ZDHHC20: variants seen among roughly 807,000 people sequenced by gnomAD.
The protein encoded by ZDHHC20 is zDHHC palmitoyltransferase 20.
Under a neutral mutation model 57.8 loss-of-function variants are expected in ZDHHC20, and 43 were observed. That is an observed-to-expected ratio of 0.74 (90% CI 0.58 to 0.96). The LOEUF is 0.96. Among genes scored for constraint, ZDHHC20 ranks in the 40% least tolerant of loss-of-function variants. ZDHHC20 has a pLI of 0.00. For synonymous variants in ZDHHC20, 157 were observed against 153.0 expected (o/e 1.03, Z -0.19); for missense variants, 391 against 441.1 (o/e 0.89, Z 1.02).
At chr13:21,403,678 C>T (rs1028104390) in intron 4 of ZDHHC20, among the ~76,000 whole-genome samples, 5 of 152,014 alleles carry the variant, frequency 3.3e-5, no homozygotes, top group Non-Finnish European at 7.4e-5. Context: ...AAAGAAGTTG[C>T]TTTTTTGTTT....
intron 1 of ZDHHC20, among the ~76,000 whole-genome samples, chr13:21,455,628 G>A (rs1286063716): frequency 3.9e-5 from 5 of 129,640 alleles, no homozygotes; most frequent in African/African-American, 1.5e-4. Context: ...TACTCCCAGT[G>A]AAGTGGTGTG....
chr13:21,437,078 G>C (rs949330304), intron 1 of ZDHHC20, among the ~76,000 whole-genome samples: 9 of 152,190 alleles, frequency 5.9e-5, no homozygotes, highest in African/African-American at 1.7e-4. Flanking sequence ...TCTAGACAGA[G>C]AGCCAAACCA....
chr13:21,425,699 G>A (rs948568654), intron 1 of ZDHHC20, 21 bp from the exon 2 acceptor site: 1 of 1,128,096 alleles, frequency 8.9e-7, no homozygotes. Context: ...AGAAAAAATA[G>A]TGAATAAATA....
At chr13:21,449,295 G>A (rs1011853185) in intron 1 of ZDHHC20, among the ~76,000 whole-genome samples, 2 of 152,196 alleles carry the variant, frequency 1.3e-5, no homozygotes, top group Admixed American at 6.5e-5. Context: ...TGGGCCAGCA[G>A]TTTGGGCTAT....
chr13:21,413,624 G>C, intron 4 of ZDHHC20, 28 bp downstream of exon 4: 3 of 1,565,312 alleles, frequency 1.9e-6, no homozygotes, highest in Non-Finnish European at 1.7e-6. Context: ...AAAATCATTT[G>C]AAAAGGAAAA....
chr13:21,397,326 C>CAA (rs879296045), intron 7 of ZDHHC20, among the ~76,000 whole-genome samples: 1 of 128,624 alleles, frequency 7.8e-6, no homozygotes, highest in African/African-American at 2.9e-5. Flanking sequence ...AACTGCATCT[C>CAA]AAAAAAAAAA....
At chr13:21,412,825 C>T (rs770761807) in intron 4 of ZDHHC20, among the ~76,000 whole-genome samples, 4 of 151,822 alleles carry the variant, frequency 2.6e-5, no homozygotes, top group East Asian at 1.9e-4. Context: ...AAAAATTAGC[C>T]GGGTTTGGTG....
At chr13:21,412,453 A>T (rs1035905686) in intron 4 of ZDHHC20, among the ~76,000 whole-genome samples, 3 of 152,334 alleles carry the variant, frequency 2.0e-5, no homozygotes, top group Admixed American at 2.0e-4. Context: ...CATAGGAGAA[A>T]ACAACAAATG....
At chr13:21,416,438 T>C (rs1306704480) in intron 3 of ZDHHC20, among the ~76,000 whole-genome samples, 2 of 152,180 alleles carry the variant, frequency 1.3e-5, no homozygotes, top group Non-Finnish European at 2.9e-5. Flanking sequence ...ACAGTTCTAT[T>C]TAAATATATA....
rs1275828541 is a variant in ZDHHC20, at chr13:21,374,348, C to A, written c.*2348G>T. On this transcript the variant is annotated 3_prime_UTR_variant, in exon 13 of 13. Coordinates refer to ENST00000400590, the MANE Select transcript of ZDHHC20 (RefSeq NM_001330059.2). ...CAAGTGATTCTCCTGCCTCCACCTCCCGAGTAGTTGGGACTACAGGCGTGT... is the reference window on the plus strand; with the variant it reads ...CAAGTGATTCTCCTGCCTCCACCTCACGAGTAGTTGGGACTACAGGCGTGT... 4.4e-6 allele frequency: 2 copies of A among 449,792 alleles called. No individual in the cohort carries two copies. The highest frequency in any genetic ancestry group is 4.7e-5 in the Admixed American group (2 of 42,352). The allele number at this position is 449,792 out of a possible 1,614,324, so 27.9% of individuals were successfully genotyped here.
chr13:21,452,265 C>T lies in ZDHHC20; in HGVS notation c.118+6789G>A, dbSNP rs147413441. Among the ~76,000 whole-genome samples, 427 of 152,164 alleles carry T rather than the reference C, an allele frequency of 2.8e-3. 2 individuals carry two copies. The highest frequency in any genetic ancestry group is 9.9e-3 in the African/African-American group (409 of 41,500). On this transcript the variant is annotated intron_variant, in intron 1 of 12. Transcript: ENST00000400590. ...ATGTGCGACAGAAATTTTCAAAAAA[C>T]GGATTGTTGTGATGACTGCAAAACT...
intron 7 of ZDHHC20, among the ~76,000 whole-genome samples, chr13:21,397,441 T>G (rs1456108369): frequency 6.6e-6 from 1 of 151,972 alleles, no homozygotes; most frequent in South Asian, 2.1e-4. Context: ...GTGGGAGGAC[T>G]GTTTGAGATC....
rs1319242101 is a variant in ZDHHC20 at position 21,431,350 on chromosome 13, T to TG, written c.119-5673dup. Reference sequence around the variant, plus strand: ...CTCATTCACTACCACGAGAACAGTATGGGGGAAACCACCCCCATGATTCAA... The same window carrying TG: ...CTCATTCACTACCACGAGAACAGTATGGGGGGAAACCACCCCCATGATTCAA... On this transcript the variant is annotated intron_variant, in intron 1 of 12. Transcript: ENST00000400590. Among the ~76,000 whole-genome samples the TG allele has an allele frequency of 3.3e-5, 5 of 152,268 alleles. No individual in the cohort carries two copies. In the South Asian group the frequency reaches 8.3e-4, roughly 25 times the overall value.
chr13:21,453,106 C>T (rs1028235440), intron 1 of ZDHHC20, among the ~76,000 whole-genome samples: 1 of 152,122 alleles, frequency 6.6e-6, no homozygotes, highest in African/African-American at 2.4e-5. Context: ...GACACATACA[C>T]ATTAAAAGGA....
At chr13:21,383,517 T>A (rs1195837783) in intron 9 of ZDHHC20, among the ~76,000 whole-genome samples, 1 of 152,222 alleles carries the variant, frequency 6.6e-6, no homozygotes, top group Non-Finnish European at 1.5e-5. Context: ...AACAGACTAA[T>A]ACCTCTATTG....
At chr13:21,452,355 C>T (rs1256312032) in intron 1 of ZDHHC20, among the ~76,000 whole-genome samples, 3 of 152,106 alleles carry the variant, frequency 2.0e-5, no homozygotes, top group African/African-American at 7.2e-5. Flanking sequence ...GACATGCAAA[C>T]TATGTCTCGA....
chr13:21,382,521 TATTAA>T, intron 10 of ZDHHC20, among the ~76,000 whole-genome samples: 1 of 152,350 alleles, frequency 6.6e-6, no homozygotes, highest in East Asian at 1.9e-4. Context: ...TTTGATAGTA[TATTAA>T]AATTTATCAA....
chr13:21,382,886 T>C, intron 10 of ZDHHC20, 34 bp downstream of exon 10: 9 of 1,514,868 alleles, frequency 5.9e-6, no homozygotes, highest in Non-Finnish European at 8.1e-6. Flanking sequence ...TGCTTTATGA[T>C]GAATATAGAA....
At chr13:21,429,292 G>C (rs1214293658) in intron 1 of ZDHHC20, among the ~76,000 whole-genome samples, 1 of 152,144 alleles carries the variant, frequency 6.6e-6, no homozygotes, top group Non-Finnish European at 1.5e-5. Context: ...CCTTTATCCT[G>C]TTTTTGCTTT....
Sources: gnomAD v4.1 joint callset for allele counts (sites outside exome capture counted in the v4.1 genomes callset) on GRCh38, gnomAD v4.1.1 for gene constraint, MANE v1.5 for transcripts, NCBI Gene and HGNC (gene_info 2026-07-23, HGNC 2026-07-21) for gene names.